Variants in CYP7B1 observed in about 807,000 individuals in gnomAD.
CYP7B1 encodes cytochrome P450 family 7 subfamily B member 1, also known as cytochrome P450 7B1.
CYP7B1 carries 29 observed loss-of-function variants against 42.7 expected under a neutral mutation model. The ratio of observed to expected loss-of-function variants is 0.68; its 90% CI spans 0.51 to 0.93. The LOEUF (loss-of-function observed/expected upper bound fraction) is 0.93, where lower values mean the gene tolerates loss of function less well. CYP7B1 is among the 40% of genes least tolerant of loss of function. CYP7B1 has a pLI of 0.00. For synonymous variants in CYP7B1, 235 were observed against 218.2 expected, an observed-to-expected ratio of 1.08 and a Z score of -0.68; for missense variants, 655 against 600.5, an observed-to-expected ratio of 1.09 and a Z score of -0.95.
At chr8:64,679,283 C>T (rs1806499670) in intron 1 of CYP7B1, among the ~76,000 whole-genome samples, 1 of 152,056 alleles carries the variant, frequency 6.6e-6, no homozygotes, top group East Asian at 1.9e-4. Context: ...TTGTAGAAAT[C>T]AATAGACAGG....
At chr8:64,793,978 T>C (rs937962484) in intron 1 of CYP7B1, among the ~76,000 whole-genome samples, 1 of 146,464 alleles carries the variant, frequency 6.8e-6, no homozygotes, top group African/African-American at 2.5e-5. Flanking sequence ...AAAAAAACAA[T>C]CAACCAATTT....
chr8:64,720,967 T>C, intron 1 of CYP7B1, among the ~76,000 whole-genome samples: 1 of 151,996 alleles, frequency 6.6e-6, no homozygotes, highest in Middle Eastern at 3.4e-3. Context: ...AAATTGAATA[T>C]ATAAATAAGA....
chr8:64,682,284 A>C (rs1366041631), intron 1 of CYP7B1, among the ~76,000 whole-genome samples: 1 of 152,214 alleles, frequency 6.6e-6, no homozygotes, highest in East Asian at 1.9e-4. Context: ...AAGAGGTGGG[A>C]TGAAGCCAGG....
intron 1 of CYP7B1, among the ~76,000 whole-genome samples, chr8:64,717,584 G>A (rs1406943786): frequency 6.6e-6 from 1 of 152,104 alleles, no homozygotes; most frequent in African/African-American, 2.4e-5. Flanking sequence ...CTAGTGTGGT[G>A]GCTCACACCT....
At chr8:64,696,459 A>G (rs1399982796) in intron 1 of CYP7B1, among the ~76,000 whole-genome samples, 1 of 152,188 alleles carries the variant, frequency 6.6e-6, no homozygotes, top group East Asian at 1.9e-4. Flanking sequence ...TATTTTTACC[A>G]CCTAATCCTC....
chr8:64,764,553 C>A (rs1807942900), intron 1 of CYP7B1, among the ~76,000 whole-genome samples: 1 of 152,104 alleles, frequency 6.6e-6, no homozygotes, highest in African/African-American at 2.4e-5. Context: ...CTGTAACACT[C>A]CAATACTACC....
At chr8:64,673,293 T>C (rs1806394526) in intron 1 of CYP7B1, among the ~76,000 whole-genome samples, 1 of 152,196 alleles carries the variant, frequency 6.6e-6, no homozygotes, top group Non-Finnish European at 1.5e-5. Flanking sequence ...GGCCTTCAGC[T>C]CTGTTCAGGA....
At chr8:64,786,573 C>T (rs181724011) in intron 1 of CYP7B1, among the ~76,000 whole-genome samples, 1 of 152,204 alleles carries the variant, frequency 6.6e-6, no homozygotes, top group African/African-American at 2.4e-5. Flanking sequence ...TGTGGCTTTG[C>T]AGGGTACAGC....
chr8:64,765,956 C>T (rs1327517738), intron 1 of CYP7B1, among the ~76,000 whole-genome samples: 10 of 152,162 alleles, frequency 6.6e-5, no homozygotes, highest in Admixed American at 6.5e-4. Context: ...GACTTGGAGC[C>T]ATATATTGTT....
At position 64,747,403 on chromosome 8, in the gene CYP7B1, T is replaced by C. The variant is rs940780952; in HGVS notation, c.122+51063A>G. Reference sequence around the variant, plus strand: ...ACAGTCAGAAATTCACATACAACTTTTAACTCCCCAAAAACTTAACTAATA... The same window carrying C: ...ACAGTCAGAAATTCACATACAACTTCTAACTCCCCAAAAACTTAACTAATA... On this transcript the variant is annotated intron_variant, in intron 1 of 5. Coordinates refer to ENST00000310193, the MANE Select transcript of CYP7B1 (RefSeq NM_004820.5). 6.6e-5 allele frequency among the ~76,000 whole-genome samples: 10 copies of C among 151,044 alleles called. 1 individual carries two copies. Among genetic ancestry groups the C allele is most frequent in the Admixed American group, 4.6e-4 (7 of 15,148 alleles).
intron 1 of CYP7B1, among the ~76,000 whole-genome samples, chr8:64,698,898 A>G (rs1806872296): frequency 6.6e-6 from 1 of 152,212 alleles, no homozygotes; most frequent in Non-Finnish European, 1.5e-5. Flanking sequence ...TTAGAAATTT[A>G]AAGGATTTTT....
At chr8:64,752,403 T>C (rs986926594) in intron 1 of CYP7B1, among the ~76,000 whole-genome samples, 7 of 151,814 alleles carry the variant, frequency 4.6e-5, no homozygotes, top group Non-Finnish European at 1.0e-4. Context: ...TGCGTGTGTG[T>C]GTGTGTGTGT....
intron 1 of CYP7B1, among the ~76,000 whole-genome samples, chr8:64,638,324 G>A (rs1413311022): frequency 3.3e-5 from 5 of 151,932 alleles, no homozygotes; most frequent in African/African-American, 1.2e-4. Flanking sequence ...TGGCTGGAAG[G>A]GAATCTTGTT....
chr8:64,713,158 T>C (rs1300960642), intron 1 of CYP7B1, among the ~76,000 whole-genome samples: 2 of 152,152 alleles, frequency 1.3e-5, no homozygotes, highest in African/African-American at 4.8e-5. Context: ...ATATGTGTAG[T>C]ATATGAGACT....
intron 1 of CYP7B1, among the ~76,000 whole-genome samples, chr8:64,747,060 T>C (rs1156986647): frequency 6.6e-6 from 1 of 151,132 alleles, no homozygotes; most frequent in African/African-American, 2.4e-5. Context: ...ATTGATAAAT[T>C]AACATAAATT....
chr8:64,785,865 C>T (rs1804517940), intron 1 of CYP7B1, among the ~76,000 whole-genome samples: 1 of 152,082 alleles, frequency 6.6e-6, no homozygotes, highest in Non-Finnish European at 1.5e-5. Flanking sequence ...ACGCACAGTT[C>T]CACATAGCTG....
intron 1 of CYP7B1, chr8:64,728,236 CT>C (rs549359267): frequency 5.5e-4 from 84 of 152,340 alleles, no homozygotes; most frequent in African/African-American, 2.0e-3. Flanking sequence ...GCCAGTATCT[CT>C]AGGCACTTAC....
intron 1 of CYP7B1, among the ~76,000 whole-genome samples, chr8:64,791,341 T>C (rs1804614296): frequency 6.6e-6 from 1 of 152,202 alleles, no homozygotes; most frequent in African/African-American, 2.4e-5. Flanking sequence ...TTGAAGCCTA[T>C]GAATTTGGTG....
chr8:64,778,301 G>T (rs1488098014), intron 1 of CYP7B1, among the ~76,000 whole-genome samples: 1 of 151,044 alleles, frequency 6.6e-6, no homozygotes, highest in African/African-American at 2.4e-5. Context: ...GAAAGAATCT[G>T]CATGCATGAC....
Sources: allele counts gnomAD v4.1 joint callset (sites outside exome capture counted in the v4.1 genomes callset), GRCh38; gene constraint gnomAD v4.1.1; transcripts MANE v1.5; gene names NCBI Gene and HGNC (gene_info 2026-07-23, HGNC 2026-07-21).